The following CADM2 variants were observed in gnomAD, a reference collection of about 807,000 sequenced individuals.
The protein encoded by CADM2 is cell adhesion molecule 2.
CADM2 carries 12 observed loss-of-function variants against 49.8 expected under a neutral mutation model. The observed-to-expected ratio is 0.24, with a 90% CI of 0.15 to 0.39. The LOEUF is 0.39. Ranked by LOEUF, CADM2 falls within the 10% of genes least tolerant of loss-of-function variation. The pLI, the probability that CADM2 is intolerant of heterozygous loss-of-function variation, is 1.00. For missense variants in CADM2, 378 were observed against 492.3 expected, an observed-to-expected ratio of 0.77 and a Z score of 2.20; for synonymous variants, 214 against 175.4, an observed-to-expected ratio of 1.22 and a Z score of -1.74.
chr3:85,243,933 TC>T (rs2042590025), intron 1 of CADM2, among the ~76,000 whole-genome samples: 1 of 152,068 alleles, frequency 6.6e-6, no homozygotes, highest in Non-Finnish European at 1.5e-5. Flanking sequence ...TTATATAAAA[TC>T]ATTATTAAAT....
rs565111336 is a variant in CADM2 at position 85,120,114 on chromosome 3, T to C, written c.61+160446T>C. Among the ~76,000 whole-genome samples the C allele has an allele frequency of 1.5e-4, 23 of 152,264 alleles. No individual in the cohort carries two copies. In the South Asian group the frequency reaches 1.9e-3, roughly 12 times the overall value. Reference sequence around the variant, plus strand: ...TCATTAACACTGGTCATCAGAGAAATGCAAATCAAAACCACAATGAGATAT... The same window carrying C: ...TCATTAACACTGGTCATCAGAGAAACGCAAATCAAAACCACAATGAGATAT... On this transcript the variant is annotated intron_variant, in intron 1 of 9. Transcript: ENST00000383699.
chr3:85,984,413 T>C (rs569613306), intron 8 of CADM2, among the ~76,000 whole-genome samples: 201 of 151,744 alleles, frequency 1.3e-3, no homozygotes, highest in Admixed American at 2.0e-3. Context: ...TAATCTTTAG[T>C]AGCATCCTCA....
At chr3:85,257,128 G>A (rs980251421) in intron 1 of CADM2, among the ~76,000 whole-genome samples, 2 of 152,048 alleles carry the variant, frequency 1.3e-5, no homozygotes, top group Non-Finnish European at 2.9e-5. Flanking sequence ...ACAGCCAAAT[G>A]TTGGCAGAAC....
chr3:85,318,359 A>T (rs1208688999), intron 1 of CADM2, among the ~76,000 whole-genome samples: 2 of 152,102 alleles, frequency 1.3e-5, no homozygotes, highest in African/African-American at 4.8e-5. Context: ...AATATTCAAG[A>T]TAATGGCAGA....
chr3:85,831,380 G>T (rs192072155), intron 3 of CADM2, among the ~76,000 whole-genome samples: 1 of 151,928 alleles, frequency 6.6e-6, no homozygotes, highest in Non-Finnish European at 1.5e-5. Context: ...TGGCAGTTCT[G>T]TTTTAACTTC....
intron 1 of CADM2, among the ~76,000 whole-genome samples, chr3:85,270,779 C>T (rs1576251506): frequency 6.6e-6 from 1 of 151,426 alleles, no homozygotes; most frequent in African/African-American, 2.4e-5. Context: ...CCACACATAT[C>T]TATAAATTTG....
At chr3:86,055,465 T>TTTTG (rs1737817345) in intron 8 of CADM2, among the ~76,000 whole-genome samples, 1 of 126,018 alleles carries the variant, frequency 7.9e-6, no homozygotes, top group African/African-American at 3.1e-5. Context: ...TTTTTTTTTT[T>TTTTG]TTTTTTTTTT....
intron 1 of CADM2, among the ~76,000 whole-genome samples, chr3:85,554,482 C>T (rs2061898462): frequency 6.6e-6 from 1 of 152,008 alleles, no homozygotes; most frequent in South Asian, 2.1e-4. Flanking sequence ...TGAAAGAGAC[C>T]AAGAATCAAT....
chr3:85,976,562 C>G (rs931883850), intron 8 of CADM2, among the ~76,000 whole-genome samples: 2 of 151,396 alleles, frequency 1.3e-5, no homozygotes, highest in Non-Finnish European at 3.0e-5. Flanking sequence ...GAATAAAACC[C>G]TCAAAATTAT....
intron 1 of CADM2, among the ~76,000 whole-genome samples, chr3:85,215,596 C>T (rs1172033755): frequency 6.6e-6 from 1 of 151,980 alleles, no homozygotes; most frequent in Admixed American, 6.5e-5. Flanking sequence ...GTGTCTCACT[C>T]TGTCAGATGC....
At chr3:85,846,465 C>T (rs887281058) in intron 3 of CADM2, among the ~76,000 whole-genome samples, 2 of 152,120 alleles carry the variant, frequency 1.3e-5, no homozygotes, top group South Asian at 4.1e-4. Flanking sequence ...ATATCTAGAA[C>T]ACATGGGTTT....
rs1468935603 is a variant in CADM2 at position 86,068,413 on chromosome 3, A to G, written c.*1630A>G. 6.6e-6 allele frequency: 1 copy of G among 152,098 alleles called. No homozygotes were observed. Among genetic ancestry groups the G allele is most frequent in the South Asian group, 2.1e-4 (1 of 4,824 alleles). The allele number at this position is 152,098 out of a possible 1,614,324, so 9.4% of individuals were successfully genotyped here. On this transcript the variant is annotated 3_prime_UTR_variant, in exon 10 of 10. Coordinates refer to ENST00000383699, the MANE Select transcript of CADM2 (RefSeq NM_001167675.2). ...AAAAAATCCCATTTACAAGCATTGCACCTTTAAGAAGAAAACAAATATGAC... is the reference window on the plus strand; with the variant it reads ...AAAAAATCCCATTTACAAGCATTGCGCCTTTAAGAAGAAAACAAATATGAC...
chr3:85,893,558 C>T (rs1714776070), intron 5 of CADM2, among the ~76,000 whole-genome samples: 1 of 152,114 alleles, frequency 6.6e-6, no homozygotes, highest in South Asian at 2.1e-4. Flanking sequence ...AGTGAACAGG[C>T]AACCCACAGA....
chr3:85,370,966 C>T (rs1320610488), intron 1 of CADM2, among the ~76,000 whole-genome samples: 1 of 151,182 alleles, frequency 6.6e-6, no homozygotes, highest in Admixed American at 6.6e-5. Flanking sequence ...CAAAAATTGT[C>T]GATAGAAATA....
chr3:85,588,150 A>G (rs909239575), intron 1 of CADM2, among the ~76,000 whole-genome samples: 1 of 152,040 alleles, frequency 6.6e-6, no homozygotes, highest in African/African-American at 2.4e-5. Context: ...TGATGCATCT[A>G]TCACCTGTCA....
chr3:85,818,355 G>A (rs1486472457), intron 3 of CADM2, among the ~76,000 whole-genome samples: 1 of 152,128 alleles, frequency 6.6e-6, no homozygotes, highest in Non-Finnish European at 1.5e-5. Context: ...CACCTGCAGG[G>A]CTGCCTCTGA....
chr3:85,831,464 C>G (rs182291006), intron 3 of CADM2, among the ~76,000 whole-genome samples: 43 of 152,060 alleles, frequency 2.8e-4, no homozygotes, highest in Non-Finnish European at 4.4e-5. Context: ...TGTAACGGTT[C>G]CCTTTTCTCT....
intron 3 of CADM2, among the ~76,000 whole-genome samples, chr3:85,835,314 C>CTTTTTTTTTTTTTTTTTTT (rs60077347): frequency 7.5e-6 from 1 of 132,642 alleles, no homozygotes; most frequent in South Asian, 2.4e-4. Context: ...GTTTTAGCTT[C>CTTTTTTTTTTTTTTTTTTT]TTTTTTTTTT....
chr3:85,461,640 C>G (rs1284482846), intron 1 of CADM2, among the ~76,000 whole-genome samples: 1 of 135,988 alleles, frequency 7.4e-6, no homozygotes, highest in Non-Finnish European at 1.6e-5. Context: ...CAAGTTCTTA[C>G]TGCCTTTCAG....
Sources: allele counts gnomAD v4.1 joint callset (sites outside exome capture counted in the v4.1 genomes callset), GRCh38; gene constraint gnomAD v4.1.1; transcripts MANE v1.5; gene names NCBI Gene and HGNC (gene_info 2026-07-23, HGNC 2026-07-21).